The following PRMT8 variants were observed in gnomAD, a reference collection of about 807,000 sequenced individuals.
PRMT8 encodes the protein protein arginine N-methyltransferase 8.
In PRMT8, 7 loss-of-function variants were observed where a neutral mutation model predicts 47.1. That is an observed-to-expected ratio of 0.15 (90% CI 0.08 to 0.28). The LOEUF is 0.28. Among genes scored for constraint, PRMT8 ranks in the 10% least tolerant of loss-of-function variants. The pLI is 1.00. For missense variants in PRMT8, 237 were observed against 505.4 expected, an observed-to-expected ratio of 0.47 and a Z score of 5.09; for synonymous variants, 188 against 186.5, an observed-to-expected ratio of 1.01 and a Z score of -0.07.
intron 1 of PRMT8, among the ~76,000 whole-genome samples, chr12:3,435,799 C>T (rs910229196): frequency 2.0e-5 from 3 of 152,112 alleles, no homozygotes; most frequent in African/African-American, 4.8e-5. Flanking sequence ...GGATTACAGG[C>T]GCGAGCCACC....
At chr12:3,513,565 A>C (rs148882988) in intron 1 of PRMT8, among the ~76,000 whole-genome samples, 1 of 152,164 alleles carries the variant, frequency 6.6e-6, no homozygotes, top group East Asian at 1.9e-4. Context: ...TCCTTCTGTT[A>C]CTTCTACTCT....
intron 1 of PRMT8, among the ~76,000 whole-genome samples, chr12:3,410,907 A>C (rs985162958): frequency 7.9e-5 from 12 of 152,294 alleles, no homozygotes; most frequent in Middle Eastern, 6.8e-3. Context: ...TACATTTTTA[A>C]GTTCTAAACA....
chr12:3,426,050 A>G (rs1864600940), intron 1 of PRMT8, among the ~76,000 whole-genome samples: 1 of 152,204 alleles, frequency 6.6e-6, no homozygotes, highest in African/African-American at 2.4e-5. Flanking sequence ...AGGGTGCAGG[A>G]TTTCGGGATA....
At chr12:3,441,997 C>T (rs766101830) in intron 1 of PRMT8, among the ~76,000 whole-genome samples, 5 of 152,162 alleles carry the variant, frequency 3.3e-5, no homozygotes, top group Admixed American at 1.3e-4. Context: ...GAACCCAAAC[C>T]GAACAACTAT....
At position 3,399,548 on chromosome 12, in the gene PRMT8, A is replaced by G. The variant is rs111597305; in HGVS notation, c.48+18106A>G. ...AAGGGAGCCGGGCCCCAGAGACATC[A>G]TGAGCCTCTTGTGTACAGAAAACCA... is the stretch of plus-strand genomic sequence containing the variant. On this transcript the variant is annotated intron_variant, in intron 1 of 9. Transcript: ENST00000452611. Among the ~76,000 whole-genome samples the G allele has an allele frequency of 3.7e-3, 571 of 152,278 alleles. 5 individuals carry two copies. The highest frequency in any genetic ancestry group is 0.013 in the African/African-American group (520 of 41,534).
At chr12:3,400,719 A>G (rs144873071) in intron 1 of PRMT8, among the ~76,000 whole-genome samples, 8 of 152,248 alleles carry the variant, frequency 5.3e-5, no homozygotes, top group Non-Finnish European at 1.0e-4. Context: ...AGAAAACTTC[A>G]GGCCAATATC....
rs1311653366 is a variant in PRMT8 at position 3,492,932 on chromosome 12, G to A, written c.75+1232G>A. Among the ~76,000 whole-genome samples the A allele has an allele frequency of 6.6e-6, 1 of 152,114 alleles. No individual in the cohort carries two copies. The highest frequency in any genetic ancestry group is 1.9e-4 in the East Asian group (1 of 5,162). ...GGGCGGGGATGGGGGTGTGGCGCGG[G>A]GATTGTCCCTCTGTCTTGCCGGAAT... is the stretch of plus-strand genomic sequence containing the variant. On this transcript the variant is annotated intron_variant, in intron 1 of 9. Transcript: ENST00000382622. The surrounding 1 kb of genome is among the most constrained non-coding windows in gnomAD (Gnocchi z 7.5).
intron 1 of PRMT8, among the ~76,000 whole-genome samples, chr12:3,474,807 G>A (rs1416438905): frequency 6.6e-6 from 1 of 152,098 alleles, no homozygotes; most frequent in Non-Finnish European, 1.5e-5. Context: ...TCTCCTCAAG[G>A]GTAGGAATCA....
chr12:3,475,602 C>T (rs1460716981), intron 1 of PRMT8, among the ~76,000 whole-genome samples: 1 of 152,200 alleles, frequency 6.6e-6, no homozygotes, highest in African/African-American at 2.4e-5. Flanking sequence ...CTACCACCTC[C>T]TGAGTTGTTA....
At chr12:3,463,865 G>A (rs1201095550) in intron 1 of PRMT8, among the ~76,000 whole-genome samples, 1 of 152,246 alleles carries the variant, frequency 6.6e-6, no homozygotes, top group African/African-American at 2.4e-5. Flanking sequence ...ATACTCCTGG[G>A]AGGGTTGATG....
At chr12:3,444,266 T>G (rs184195710) in intron 1 of PRMT8, among the ~76,000 whole-genome samples, 1 of 152,308 alleles carries the variant, frequency 6.6e-6, no homozygotes, top group Admixed American at 6.5e-5. Context: ...CTGACCTGCA[T>G]GCAGTGCCCT....
chr12:3,434,930 G>A (rs887560115), intron 1 of PRMT8, among the ~76,000 whole-genome samples: 4 of 151,520 alleles, frequency 2.6e-5, no homozygotes, highest in African/African-American at 9.7e-5. Context: ...AGATCTCAGA[G>A]GTAGAGGAGT....
At chr12:3,479,588 C>T (rs2137100518) in intron 1 of PRMT8, among the ~76,000 whole-genome samples, 1 of 152,276 alleles carries the variant, frequency 6.6e-6, no homozygotes, top group South Asian at 2.1e-4. Flanking sequence ...AAAATACTCC[C>T]CTAAAGAAGC....
intron 1 of PRMT8, among the ~76,000 whole-genome samples, chr12:3,421,586 G>GT (rs1013384284): frequency 6.6e-6 from 1 of 152,172 alleles, no homozygotes; most frequent in African/African-American, 2.4e-5. Flanking sequence ...CCCAAATGCT[G>GT]TTGTTTTGGC....
At chr12:3,591,437 G>T (rs573614790) in intron 8 of PRMT8, among the ~76,000 whole-genome samples, 11 of 146,724 alleles carry the variant, frequency 7.5e-5, no homozygotes, top group African/African-American at 2.5e-4. Flanking sequence ...TTGAGACAGG[G>T]TCTCACTCAC....
intron 1 of PRMT8, among the ~76,000 whole-genome samples, chr12:3,529,224 G>A (rs1865990802): frequency 6.6e-6 from 1 of 152,172 alleles, no homozygotes; most frequent in Non-Finnish European, 1.5e-5. Flanking sequence ...CTGGGTTCCT[G>A]TTCTCTGTAT....
intron 1 of PRMT8, among the ~76,000 whole-genome samples, chr12:3,400,574 A>G (rs1448053249): frequency 6.6e-6 from 1 of 152,226 alleles, no homozygotes; most frequent in Admixed American, 6.5e-5. Flanking sequence ...GAATTCTACC[A>G]GAGGTACAAA....
intron 1 of PRMT8, among the ~76,000 whole-genome samples, chr12:3,385,218 C>T (rs1179632303): frequency 6.6e-6 from 1 of 152,142 alleles, no homozygotes; most frequent in African/African-American, 2.4e-5. Flanking sequence ...AGGGGATATG[C>T]ATTCTTATTG....
At chr12:3,454,323 C>T (rs7311123) in intron 1 of PRMT8, among the ~76,000 whole-genome samples, 76,959 of 152,102 alleles carry the variant, frequency 0.51, 23,069 homozygotes, top group Admixed American at 0.65. Context: ...CAGACATCCC[C>T]GGCCAGGGTG....
Sources: gnomAD v4.1 joint callset for allele counts (sites outside exome capture counted in the v4.1 genomes callset) on GRCh38, gnomAD v4.1.1 for gene constraint, Gnocchi (gnomAD v3.1) non-coding constraint, MANE v1.5 for transcripts, NCBI Gene and HGNC (gene_info 2026-07-23, HGNC 2026-07-21) for gene names.